CLN5: variants seen among roughly 807,000 people sequenced by gnomAD.
CLN5 encodes the protein bis(monoacylglycero)phosphate synthase CLN5.
Under a neutral mutation model 36.7 loss-of-function variants are expected in CLN5, and 34 were observed. The ratio of observed to expected loss-of-function variants is 0.93; its 90% CI spans 0.71 to 1.23. The LOEUF (loss-of-function observed/expected upper bound fraction) is 1.23. Among genes scored for constraint, CLN5 ranks in the 50% most tolerant of loss-of-function variants. CLN5 has a pLI of 0.00. For synonymous variants in CLN5, 151 were observed against 155.1 expected, an observed-to-expected ratio of 0.97 and a Z score of 0.20; for missense variants, 427 against 439.4, an observed-to-expected ratio of 0.97 and a Z score of 0.25.
At chr13:76,995,303 T>C in intron 2 of CLN5, 75 bp downstream of exon 2, 2 of 1,355,108 alleles carry the variant, frequency 1.5e-6, no homozygotes, top group Non-Finnish European at 2.1e-6. Context: ...TAAGGAGTAA[T>C]CACTATTTAG....
Position 77,004,740 on chromosome 13 carries a change from G to A in CLN5, c.*3771G>A, listed in dbSNP as rs577917332. ...AGGCTTGAACCTTCTTCACATGAACGTCTTCCTTTCAGCCTAAAGTTCTTA... is the reference window on the plus strand; with the variant it reads ...AGGCTTGAACCTTCTTCACATGAACATCTTCCTTTCAGCCTAAAGTTCTTA... On this transcript the variant is annotated 3_prime_UTR_variant, in exon 4 of 4. Coordinates refer to ENST00000377453, the MANE Select transcript of CLN5 (RefSeq NM_006493.4). The A allele has an allele frequency of 2.0e-5, 3 of 152,060 alleles. No homozygotes were observed. The highest frequency in any genetic ancestry group is 4.1e-4 in the South Asian group (2 of 4,820). The allele number at this position is 152,060 out of a possible 1,614,324, so 9.4% of individuals were successfully genotyped here.
Position 77,001,182 on chromosome 13 carries a change from G to C in CLN5, c.*213G>C, listed in dbSNP as rs1035597171. 5 of 449,526 alleles carry C rather than the reference G, an allele frequency of 1.1e-5. No homozygotes were observed. Among genetic ancestry groups the C allele is most frequent in the Admixed American group, 4.1e-5 (1 of 24,550 alleles). 27.8% of individuals were successfully genotyped at this position (449,526 alleles called of 1,614,324 possible). On this transcript the variant is annotated 3_prime_UTR_variant, in exon 4 of 4. Transcript: ENST00000377453. ...ATTGGCCAAAGTGAGCGAGTTAGGT[G>C]ATCTTGGTTTCAATTTCCGAGCCTT...
intron 1 of CLN5, chr13:76,994,401 C>A: frequency 6.6e-6 from 1 of 152,470 alleles, no homozygotes; most frequent in Non-Finnish European, 1.5e-5. Flanking sequence ...TCTTTCTTTG[C>A]CCTCCCCACC....
intron 2 of CLN5, 193 bp downstream of exon 2, chr13:76,995,421 C>A: frequency 1.6e-6 from 1 of 617,230 alleles, no homozygotes; most frequent in Non-Finnish European, 2.9e-6. Flanking sequence ...AATGTAATCA[C>A]CATTATCCAT....
intron 3 of CLN5, chr13:76,996,362 CT>C (rs1319752782): frequency 2.0e-6 from 1 of 491,788 alleles, no homozygotes; most frequent in Non-Finnish European, 3.7e-6. Flanking sequence ...TGAATAAGTT[CT>C]TTAGTGGTGA....
rs1389509356 is a variant in CLN5 at position 76,995,111 on chromosome 13, T to C, written c.222T>C (p.Tyr74=). ...CTGATCCTTATTGTCAAGCTAAGTA[T>C]ACTTTCTGTCCAACTGGCTCACCTA... ...PKPDPYCQAK[Y]TFCPTGSPIP... is the part of the protein sequence containing the mutation. Residue 74 remains tyrosine (Y), a synonymous_variant, in exon 2 of 4, where the codon TAT becomes TAC. Transcript: ENST00000377453. 6.2e-7 allele frequency: 1 copy of C among 1,614,166 alleles called. No homozygotes were observed. The highest frequency in any genetic ancestry group is 1.7e-5 in the Admixed American group (1 of 60,016).
At chr13:76,993,909 T>A (rs1039267864) in intron 1 of CLN5, 4 of 152,218 alleles carry the variant, frequency 2.6e-5, no homozygotes, top group Non-Finnish European at 4.4e-5. Context: ...CACTTCTTTC[T>A]TTCCCAGTGC....
intron 3 of CLN5, chr13:76,996,643 G>C (rs1464731695): frequency 5.8e-6 from 1 of 171,032 alleles, no homozygotes; most frequent in Non-Finnish European, 1.3e-5. Flanking sequence ...CCTTTTTATG[G>C]CTGAGTAGTA....
rs1256077286 is a variant in CLN5 at position 77,002,676 on chromosome 13, G to A, written c.*1707G>A. 4.6e-5 allele frequency: 7 copies of A among 151,678 alleles called. No individual in the cohort carries two copies. The highest frequency in any genetic ancestry group is 1.5e-4 in the African/African-American group (6 of 41,254). 9.4% of individuals were successfully genotyped at this position (151,678 alleles called of 1,614,324 possible). A position where few individuals can be genotyped will look rare whatever the true frequency, so the allele number is the denominator to read the frequency against. ...TCTTTCACGCCTCCTTTAGCCTGTC[G>A]ACTCCTTATAATAATGCCTAAATAT... On this transcript the variant is annotated 3_prime_UTR_variant, in exon 4 of 4. Transcript: ENST00000377453.
chr13:76,996,441 C>G (rs955027714), intron 3 of CLN5: 11 of 313,232 alleles, frequency 3.5e-5, no homozygotes, highest in Admixed American at 2.9e-4. Flanking sequence ...GTCTTTTATC[C>G]CTCACCCCTC....
In CLN5 at chr13:76,995,060, T is replaced by C; in HGVS notation, c.174-3T>C. The stretch of plus-strand genomic sequence containing the variant: ...AAGTAGATGGTTTCTTTTTCTTTAT[T>C]AGGCGCTTTGACTTCCGTCCAAAAC... On this transcript the variant is annotated splice_polypyrimidine_tract_variant and splice_region_variant and intron_variant, in intron 1 of 3. Coordinates refer to ENST00000377453, the MANE Select transcript of CLN5 (RefSeq NM_006493.4). 2 of 1,613,406 alleles carry C rather than the reference T, an allele frequency of 1.2e-6. No individual in the cohort carries two copies. The highest frequency in any genetic ancestry group is 1.7e-6 in the Non-Finnish European group (2 of 1,179,782).
In CLN5 at chr13:77,004,351, CAA is replaced by C. The variant is rs1029105152; in HGVS notation, c.*3384_*3385del. On this transcript the variant is annotated 3_prime_UTR_variant, in exon 4 of 4. Transcript: ENST00000377453. ...TGTTCACAAAGGCAAACAGGCTGGC[CAA>C]AGTGTTTCCAGCATCTTCGTCATAT... 2.6e-5 allele frequency: 4 copies of C among 152,188 alleles called. No individual in the cohort carries two copies. The highest frequency in any genetic ancestry group is 9.7e-5 in the African/African-American group (4 of 41,440). The allele number at this position is 152,188 out of a possible 1,614,324, so 9.4% of individuals were successfully genotyped here. A position where few individuals can be genotyped will look rare whatever the true frequency, so the allele number is the denominator to read the frequency against.
chr13:76,995,801 A>T, intron 2 of CLN5, 101 bp from the exon 3 acceptor site: 2 of 854,080 alleles, frequency 2.3e-6, no homozygotes, highest in Non-Finnish European at 4.0e-6. Flanking sequence ...CAGTTGTTCT[A>T]CTTGATATGC....
chr13:76,995,395 A>C, intron 2 of CLN5, 167 bp downstream of exon 2: 1 of 675,482 alleles, frequency 1.5e-6, no homozygotes, highest in Non-Finnish European at 2.6e-6. Flanking sequence ...CAGATTTTGT[A>C]ATCTTGACAA....
chr13:76,995,240 T>G lies in CLN5; in HGVS notation c.339+12T>G. On this transcript the variant is annotated intron_variant, in intron 2 of 3. Transcript: ENST00000377453. ...TCCTGGGACACTTGGTAAGGATGCA[T>G]CTTGGTCTTATAACTTTGGTTAATT... 1 of 1,613,156 alleles carries G rather than the reference T, an allele frequency of 6.2e-7. No homozygotes were observed. The highest frequency in any genetic ancestry group is 8.5e-7 in the Non-Finnish European group (1 of 1,179,188).
intron 3 of CLN5, chr13:76,996,452 TCC>T (rs1477614630): frequency 3.5e-6 from 1 of 288,254 alleles, no homozygotes; most frequent in East Asian, 9.1e-5. Context: ...CTCACCCCTC[TCC>T]GACCCTTTTC....
chr13:76,992,297 C>A, intron 1 of CLN5, 26 bp downstream of exon 1: 1 of 1,177,302 alleles, frequency 8.5e-7, no homozygotes, highest in Non-Finnish European at 1.1e-6. Flanking sequence ...CGCGCACTGT[C>A]GGGGTTGGGG....
At chr13:77,000,308 C>T (rs898027499) in intron 3 of CLN5, 150 bp from the exon 4 acceptor site, 4 of 664,326 alleles carry the variant, frequency 6.0e-6, no homozygotes, top group Non-Finnish European at 9.8e-6. Context: ...TCACTTAAGC[C>T]CAGGAGGTCA....
rs2034185809 is a variant in CLN5, at chr13:76,992,113, A to G, written c.15A>G (p.Val5=). 6.2e-7 allele frequency: 1 copy of G among 1,611,672 alleles called. No homozygotes were observed. Among genetic ancestry groups the G allele is most frequent in the Non-Finnish European group, 8.5e-7 (1 of 1,179,300 alleles). The change falls in exon 1 of 4, where the codon GTA becomes GTG. Residue 5 remains valine, a synonymous_variant. Coordinates refer to ENST00000377453, the MANE Select transcript of CLN5 (RefSeq NM_006493.4). MAQE[V]DTAQGAEMRR... ...GGTGCAGCCTGATGGCGCAGGAGGT[A>G]GACACGGCACAGGGCGCCGAGATGC...
Sources: allele counts gnomAD v4.1 joint callset, GRCh38; gene constraint gnomAD v4.1.1; transcripts MANE v1.5; gene names NCBI Gene and HGNC (gene_info 2026-07-23, HGNC 2026-07-21).